EBF3: variants seen among roughly 807,000 people sequenced by gnomAD.
EBF3 encodes transcription factor COE3.
In EBF3, 18 loss-of-function variants were observed where a neutral mutation model predicts 77.1. The ratio of observed to expected loss-of-function variants is 0.23; its 90% CI spans 0.16 to 0.35. The LOEUF is 0.35. Among genes scored for constraint, EBF3 ranks in the 10% least tolerant of loss-of-function variants. EBF3 has a pLI of 1.00. For missense variants in EBF3, 558 were observed against 860.0 expected, an observed-to-expected ratio of 0.65 and a Z score of 4.39; for synonymous variants, 350 against 343.5, an observed-to-expected ratio of 1.02 and a Z score of -0.21.
chr10:129,948,081 A>AC (rs759933561), intron 6 of EBF3, among the ~76,000 whole-genome samples: 257 of 152,002 alleles, frequency 1.7e-3, no homozygotes, highest in Middle Eastern at 0.01. Flanking sequence ...ACATGGTGAA[A>AC]CCCCGTCTCT....
intron 6 of EBF3, among the ~76,000 whole-genome samples, chr10:129,911,862 C>G (rs142848698): frequency 1.7e-4 from 26 of 152,218 alleles, no homozygotes; most frequent in African/African-American, 6.0e-4. Context: ...CCGAAGGGAG[C>G]TTTGCCAACA....
At chr10:129,932,862 A>C (rs1029822217) in intron 6 of EBF3, among the ~76,000 whole-genome samples, 25 of 150,686 alleles carry the variant, frequency 1.7e-4, no homozygotes, top group Non-Finnish European at 5.9e-5. Context: ...CCTATAACCA[A>C]GGCAAACAAA....
At position 129,926,971 on chromosome 10, in the gene EBF3, A is replaced by T. The variant is rs1856720031; in HGVS notation, c.554+30287T>A. 1.3e-5 allele frequency among the ~76,000 whole-genome samples: 2 copies of T among 152,232 alleles called. 1 individual carries two copies. The highest frequency in any genetic ancestry group is 4.1e-4 in the South Asian group (2 of 4,834). ...TTCAGGGCTTCTTGGGACTCTGAACAGGTGGGCATCCTCCACCGTGGCCCC... is the reference window on the plus strand; with the variant it reads ...TTCAGGGCTTCTTGGGACTCTGAACTGGTGGGCATCCTCCACCGTGGCCCC... On this transcript the variant is annotated intron_variant, in intron 6 of 16. Transcript: ENST00000440978.
chr10:129,941,564 C>A (rs929841221), intron 6 of EBF3, among the ~76,000 whole-genome samples: 1 of 151,816 alleles, frequency 6.6e-6, no homozygotes, highest in Non-Finnish European at 1.5e-5. Context: ...CCGGGCAGGC[C>A]AAAGGGTCAG....
intron 16 of EBF3, 128 bp downstream of exon 16, chr10:129,838,954 GC>G: frequency 1.1e-6 from 1 of 880,708 alleles, no homozygotes; most frequent in Non-Finnish European, 1.6e-6. Flanking sequence ...CTCACCACCT[GC>G]CTCTGCAACG....
intron 6 of EBF3, among the ~76,000 whole-genome samples, chr10:129,916,767 C>G (rs961444415): frequency 2.6e-5 from 4 of 152,196 alleles, no homozygotes; most frequent in Non-Finnish European, 5.9e-5. Flanking sequence ...GGCTCCGGCT[C>G]ACGCTCAGCC....
At chr10:129,865,825 T>C (rs528438564) in intron 10 of EBF3, among the ~76,000 whole-genome samples, 1 of 152,340 alleles carries the variant, frequency 6.6e-6, no homozygotes, top group South Asian at 2.1e-4. Flanking sequence ...ACCCGCTCTC[T>C]GGACAGAGGA....
intron 6 of EBF3, among the ~76,000 whole-genome samples, chr10:129,908,368 C>T (rs1432149917): frequency 6.6e-6 from 1 of 152,212 alleles, no homozygotes; most frequent in Non-Finnish European, 1.5e-5. Context: ...AAATATTTAA[C>T]ACTTCACAGC....
intron 6 of EBF3, among the ~76,000 whole-genome samples, chr10:129,911,957 G>A (rs1041086890): frequency 2.0e-5 from 3 of 152,152 alleles, no homozygotes; most frequent in Non-Finnish European, 4.4e-5. Flanking sequence ...AGCAACGCAC[G>A]GCCCAGCAAG....
Position 129,843,299 on chromosome 10 carries a change from C to T in EBF3, c.1129-97G>A, listed in dbSNP as rs1377687655. The stretch of plus-strand genomic sequence containing the variant: ...TCCGTCTGCGGGTGTGGAGACCAGT[C>T]CCCACCCACAGCGACCCGTCCTGGC... On this transcript the variant is annotated intron_variant, in intron 11 of 16. Transcript: ENST00000440978. 3.0e-6 allele frequency: 4 copies of T among 1,332,248 alleles called. No homozygotes were observed. In the South Asian group the frequency reaches 5.1e-5, roughly 17 times the overall value. The allele number at this position is 1,332,248 out of a possible 1,614,324, so 82.5% of individuals were successfully genotyped here. A position where few individuals can be genotyped will look rare whatever the true frequency, so the allele number is the denominator to read the frequency against.
chr10:129,870,026 T>C lies in EBF3; in HGVS notation c.782-2114A>G, dbSNP rs1852301271. On this transcript the variant is annotated intron_variant, in intron 8 of 16. Coordinates refer to ENST00000440978, the MANE Select transcript of EBF3 (RefSeq NM_001375380.1). This position sits in a 1 kb window ranked among gnomAD's most constrained non-coding sequence, Gnocchi z 4.4. ...AAAATTACAGTAAACAAATTTACTT[T>C]GGAGGTGAGAAAAGAAAAAAAGAAT... 6.6e-6 allele frequency among the ~76,000 whole-genome samples: 1 copy of C among 151,994 alleles called. No individual in the cohort carries two copies. The highest frequency in any genetic ancestry group is 2.1e-4 in the South Asian group (1 of 4,816).
chr10:129,873,011 C>T (rs1036212082), intron 8 of EBF3, among the ~76,000 whole-genome samples: 4 of 152,080 alleles, frequency 2.6e-5, no homozygotes, highest in Middle Eastern at 3.2e-3. Context: ...CGCACATACA[C>T]GTGGATCACA....
At chr10:129,924,778 T>G (rs1856551326) in intron 6 of EBF3, among the ~76,000 whole-genome samples, 1 of 152,190 alleles carries the variant, frequency 6.6e-6, no homozygotes, top group Non-Finnish European at 1.5e-5. Context: ...GCAATCCTCC[T>G]GCCTCAGCCT....
chr10:129,852,705 AAC>A (rs1159973284), intron 10 of EBF3, among the ~76,000 whole-genome samples: 1 of 152,250 alleles, frequency 6.6e-6, no homozygotes, highest in African/African-American at 2.4e-5. Context: ...CTGGGTTGAT[AAC>A]ACAGAAAAAA....
At chr10:129,854,407 A>G (rs1851102514) in intron 10 of EBF3, among the ~76,000 whole-genome samples, 1 of 152,168 alleles carries the variant, frequency 6.6e-6, no homozygotes, top group South Asian at 2.1e-4. Flanking sequence ...CGGCCAGGGC[A>G]GCTGAGAGGA....
intron 11 of EBF3, among the ~76,000 whole-genome samples, chr10:129,846,270 C>T (rs905495111): frequency 2.6e-5 from 4 of 152,014 alleles, no homozygotes; most frequent in African/African-American, 4.8e-5. Context: ...ACACTATTCG[C>T]GTGCATCCAA....
At chr10:129,940,943 C>A (rs1197198303) in intron 6 of EBF3, among the ~76,000 whole-genome samples, 6 of 152,186 alleles carry the variant, frequency 3.9e-5, no homozygotes, top group South Asian at 2.1e-4. Flanking sequence ...GGTCCCCCAG[C>A]CTCGGACTGC....
intron 11 of EBF3, among the ~76,000 whole-genome samples, chr10:129,845,051 A>G (rs1850356297): frequency 6.6e-6 from 1 of 152,240 alleles, no homozygotes; most frequent in African/African-American, 2.4e-5. Context: ...CAATTGGAAC[A>G]TAAGGATAGT....
intron 6 of EBF3, among the ~76,000 whole-genome samples, chr10:129,886,905 A>T (rs1217512371): frequency 6.6e-6 from 1 of 151,722 alleles, no homozygotes; most frequent in Non-Finnish European, 1.5e-5. Flanking sequence ...AGAGACACAG[A>T]GAGACGCACA....
Sources: allele counts gnomAD v4.1 joint callset (sites outside exome capture counted in the v4.1 genomes callset), GRCh38; gene constraint gnomAD v4.1.1; non-coding constraint Gnocchi (gnomAD v3.1); transcripts MANE v1.5; gene names NCBI Gene and HGNC (gene_info 2026-07-23, HGNC 2026-07-21).